Variants in PCDH7 observed in about 807,000 individuals in gnomAD.
PCDH7 encodes protocadherin 7.
In PCDH7, 17 loss-of-function variants were observed where a neutral mutation model predicts 58.9. The observed-to-expected ratio is 0.29, with a 90% CI of 0.20 to 0.43. PCDH7 has a LOEUF of 0.43. Among genes scored for constraint, PCDH7 ranks in the 20% least tolerant of loss-of-function variants. The pLI is 1.00. For missense variants in PCDH7, 1,274 were observed against 1,441.0 expected, an observed-to-expected ratio of 0.88 and a Z score of 1.88; for synonymous variants, 664 against 616.4, an observed-to-expected ratio of 1.08 and a Z score of -1.14.
intron 1 of PCDH7, among the ~76,000 whole-genome samples, chr4:30,827,133 TTTGTGGGTTTTTAACTTATATG>T (rs1365773281): frequency 6.6e-6 from 1 of 152,172 alleles, no homozygotes; most frequent in Admixed American, 6.6e-5. Context: ...CATTTTTATG[TTTGTGGGTTTTTAACTTATATG>T]TCATTTCCTT....
intron 3 of PCDH7, among the ~76,000 whole-genome samples, chr4:31,050,485 T>C (rs1364421223): frequency 2.6e-5 from 4 of 152,158 alleles, no homozygotes; most frequent in Non-Finnish European, 5.9e-5. Flanking sequence ...GCAAGGACTG[T>C]CCTCTGTTCA....
chr4:31,067,374 C>CAAA (rs10715937), intron 3 of PCDH7, among the ~76,000 whole-genome samples: 6 of 109,632 alleles, frequency 5.5e-5, no homozygotes, highest in African/African-American at 1.4e-4. Flanking sequence ...ATCACTGAGA[C>CAAA]AAAAAAAAAA....
chr4:30,947,633 T>C (rs1417238013), intron 2 of PCDH7, among the ~76,000 whole-genome samples: 3 of 152,218 alleles, frequency 2.0e-5, no homozygotes, highest in Non-Finnish European at 2.9e-5. Context: ...GCATATAGTA[T>C]ATAGTAATCA....
chr4:30,895,921 G>A (rs1443708842), intron 1 of PCDH7, among the ~76,000 whole-genome samples: 2 of 152,150 alleles, frequency 1.3e-5, no homozygotes, highest in African/African-American at 2.4e-5. Context: ...AATAATTCAG[G>A]ACTCTATTGA....
At chr4:30,967,078 G>A (rs915866977) in intron 3 of PCDH7, among the ~76,000 whole-genome samples, 1 of 152,016 alleles carries the variant, frequency 6.6e-6, no homozygotes, top group Non-Finnish European at 1.5e-5. Flanking sequence ...TAAATAAAAT[G>A]TGGATATTTA....
intron 1 of PCDH7, among the ~76,000 whole-genome samples, chr4:30,840,219 A>G (rs1323736765): frequency 6.6e-6 from 1 of 152,010 alleles, no homozygotes; most frequent in Non-Finnish European, 1.5e-5. Flanking sequence ...GGAGAAAAAA[A>G]AGACACAAAA....
chr4:30,961,434 C>T (rs912697418), intron 3 of PCDH7, among the ~76,000 whole-genome samples: 9 of 151,806 alleles, frequency 5.9e-5, no homozygotes, highest in African/African-American at 1.5e-4. Context: ...TGCCTGTAGT[C>T]CCACCTACTG....
chr4:30,746,581 G>T (rs897946029), intron 1 of PCDH7, among the ~76,000 whole-genome samples: 1 of 152,092 alleles, frequency 6.6e-6, no homozygotes, highest in Non-Finnish European at 1.5e-5. Context: ...TGCCCCATTT[G>T]CTTTCCACAA....
chr4:30,739,711 A>G (rs530121656), intron 1 of PCDH7, among the ~76,000 whole-genome samples: 1 of 152,298 alleles, frequency 6.6e-6, no homozygotes, highest in African/African-American at 2.4e-5. Context: ...ATTCATATGC[A>G]TATATACATA....
intron 3 of PCDH7, among the ~76,000 whole-genome samples, chr4:31,136,305 G>T (rs1201978217): frequency 6.6e-6 from 1 of 152,178 alleles, no homozygotes; most frequent in Non-Finnish European, 1.5e-5. Context: ...AAATGGGGGA[G>T]TAGGTATTAT....
rs186156489 is a variant in PCDH7, at chr4:31,033,618, A to G, written c.*7+83403A>G. The stretch of plus-strand genomic sequence containing the variant: ...AGCTTTTGGCAATGCTTTTTATTCA[A>G]CATGGCCCCTTACTTGCATAGACAG... On this transcript the variant is annotated intron_variant, in intron 3 of 3. Transcript: ENST00000509759. Among the ~76,000 whole-genome samples, 925 of 152,310 alleles carry G rather than the reference A, an allele frequency of 6.1e-3. 5 individuals carry two copies. Among genetic ancestry groups the G allele is most frequent in the Middle Eastern group, 0.017 (5 of 294 alleles).
chr4:30,862,405 CA>C (rs1252264317), intron 1 of PCDH7, among the ~76,000 whole-genome samples: 1 of 152,144 alleles, frequency 6.6e-6, no homozygotes, highest in Non-Finnish European at 1.5e-5. Context: ...TCTACATCCA[CA>C]ATGTAGAACA....
chr4:31,145,410 A>G (rs1401956341), downstream of PCDH7: 1 of 152,046 alleles, frequency 6.6e-6, no homozygotes. Flanking sequence ...CTTTTATTTT[A>G]AATAGGTTAA....
chr4:30,912,282 A>G (rs1408204633), intron 1 of PCDH7, among the ~76,000 whole-genome samples: 5 of 152,186 alleles, frequency 3.3e-5, no homozygotes, highest in African/African-American at 1.2e-4. Flanking sequence ...ATGGAATCCT[A>G]AATATGTTTG....
chr4:31,112,845 T>C (rs1022148151), intron 3 of PCDH7, among the ~76,000 whole-genome samples: 3 of 152,170 alleles, frequency 2.0e-5, no homozygotes, highest in African/African-American at 7.2e-5. Flanking sequence ...CCTCTGCCCA[T>C]CCTTTTGAAA....
At chr4:31,097,635 T>A (rs377034539) in intron 3 of PCDH7, among the ~76,000 whole-genome samples, 9,701 of 45,606 alleles carry the variant, frequency 0.21, 1,683 homozygotes, top group African/African-American at 0.41. Flanking sequence ...TATATATATA[T>A]ATAAATCTTT....
chr4:30,998,985 T>C (rs551634849), intron 3 of PCDH7, among the ~76,000 whole-genome samples: 1 of 152,096 alleles, frequency 6.6e-6, no homozygotes, highest in African/African-American at 2.4e-5. Flanking sequence ...CACTGGAGAG[T>C]CTGTTATTAA....
chr4:30,740,813 TAACA>T (rs1716966460), intron 1 of PCDH7, among the ~76,000 whole-genome samples: 1 of 152,150 alleles, frequency 6.6e-6, no homozygotes, highest in African/African-American at 2.4e-5. Flanking sequence ...CTATGTCATC[TAACA>T]GTTTTTTAAA....
chr4:30,916,360 G>T (rs577000275), intron 1 of PCDH7, among the ~76,000 whole-genome samples: 1 of 152,112 alleles, frequency 6.6e-6, no homozygotes, highest in South Asian at 2.1e-4. Context: ...CTTTTATTTA[G>T]ATAATTCACT....
Sources: allele counts gnomAD v4.1 joint callset (sites outside exome capture counted in the v4.1 genomes callset), GRCh38; gene constraint gnomAD v4.1.1; transcripts MANE v1.5; gene names NCBI Gene and HGNC (gene_info 2026-07-23, HGNC 2026-07-21).